The following NRK variants were observed in gnomAD, a reference collection of about 807,000 sequenced individuals.
The protein encoded by NRK is Nik related kinase, also known as nik-related protein kinase.
In NRK, 67 loss-of-function variants were observed where a neutral mutation model predicts 125.2. That is an observed-to-expected ratio of 0.54 (90% CI 0.44 to 0.66). The LOEUF is 0.66. Ranked by LOEUF, NRK falls within the 30% of genes least tolerant of loss-of-function variation. The probability of loss-of-function intolerance (pLI) is 0.00; values close to 1 mark genes in which losing one functional copy is unlikely to be tolerated. For synonymous variants in NRK, 458 were observed against 429.0 expected (o/e 1.07, Z -0.84); for missense variants, 1,224 against 1,192.9 (o/e 1.03, Z -0.38).
chrX:105,926,967 C>CT (rs779419516), intron 19 of NRK, among the ~76,000 whole-genome samples: 1 of 111,094 alleles, frequency 9.0e-6, no homozygotes, highest in Non-Finnish European at 1.9e-5. Context: ...TATTCTAGGT[C>CT]TTTTTTGGTT....
At chrX:105,924,388 A>G (rs139110648) in intron 18 of NRK, among the ~76,000 whole-genome samples, 1,434 of 111,881 alleles carry the variant, frequency 0.013, 8 homozygotes, top group Middle Eastern at 0.047. Flanking sequence ...TATTTAAGAA[A>G]AAAACTACAT....
chrX:105,911,974 G>A (rs1004068571), intron 13 of NRK, among the ~76,000 whole-genome samples: 3 of 111,200 alleles, frequency 2.7e-5, no homozygotes, highest in Non-Finnish European at 5.7e-5. Flanking sequence ...ATATGTGGTC[G>A]TTGAAGAAAA....
chrX:105,943,023 A>AT (rs1441425136), intron 23 of NRK, among the ~76,000 whole-genome samples: 2 of 111,605 alleles, frequency 1.8e-5, no homozygotes, highest in Non-Finnish European at 3.8e-5. Context: ...GGTGCCCCAA[A>AT]TTTTTAATTT....
intron 28 of NRK, 49 bp from the exon 29 acceptor site, chrX:105,955,456 T>A (rs771073160): frequency 1.5e-6 from 1 of 685,807 alleles, no homozygotes; most frequent in South Asian, 2.7e-5. Flanking sequence ...AAATATCTGG[T>A]TGCAATGTAT....
chrX:105,843,613 T>A (rs1320121084), intron 2 of NRK, among the ~76,000 whole-genome samples: 1 of 112,156 alleles, frequency 8.9e-6, no homozygotes, highest in Non-Finnish European at 1.9e-5. Flanking sequence ...TTCTGCTGAA[T>A]GAGTCATTTA....
In NRK at chrX:105,956,501, A is replaced by G. The variant is rs769149668; in HGVS notation, c.*901A>G. On this transcript the variant is annotated 3_prime_UTR_variant, in exon 29 of 29. Transcript: ENST00000243300. ...CAGTGTGACTATCAGACAGCATCAAATATTTGCCCAATCCAAGATTAGACT... is the reference window on the plus strand; with the variant it reads ...CAGTGTGACTATCAGACAGCATCAAGTATTTGCCCAATCCAAGATTAGACT... 2.7e-5 allele frequency: 3 copies of G among 112,074 alleles called. No individual in the cohort carries two copies. The highest frequency in any genetic ancestry group is 9.7e-5 in the African/African-American group (3 of 30,852). The allele number at this position is 112,074 out of a possible 1,213,427, so 9.2% of individuals were successfully genotyped here.
At chrX:105,878,997 G>A (rs60522235) in intron 2 of NRK, among the ~76,000 whole-genome samples, 2,325 of 111,118 alleles carry the variant, frequency 0.021, 58 homozygotes, top group African/African-American at 0.071. Context: ...GAAGTCTCTA[G>A]GGAGGAAACT....
At chrX:105,862,845 A>G (rs748327348) in intron 2 of NRK, among the ~76,000 whole-genome samples, 1 of 112,137 alleles carries the variant, frequency 8.9e-6, no homozygotes, top group African/African-American at 3.2e-5. Flanking sequence ...AGTGGGCAAT[A>G]CACTTGAGGC....
At chrX:105,947,442 C>CA (rs753072138) in intron 26 of NRK, among the ~76,000 whole-genome samples, 815 of 17,331 alleles carry the variant, frequency 0.047, 65 homozygotes, top group African/African-American at 0.08. Flanking sequence ...GACTCCGTCT[C>CA]AAAAAAAAAA....
intron 2 of NRK, among the ~76,000 whole-genome samples, chrX:105,858,789 T>C (rs369976181): frequency 1.8e-5 from 2 of 111,110 alleles, no homozygotes; most frequent in Non-Finnish European, 3.8e-5. Context: ...CATGTGAAAT[T>C]TGAGAAACAT....
rs1203881389 is a variant in NRK at position 105,873,325 on chromosome X, A to G, written c.124-6874A>G. ...GTAATTAACTGCTGCGGAATGGTGGATTTTCCCAACACAGCTGTCACAACT... is the reference window on the plus strand; with the variant it reads ...GTAATTAACTGCTGCGGAATGGTGGGTTTTCCCAACACAGCTGTCACAACT... On this transcript the variant is annotated intron_variant, in intron 2 of 28. Coordinates refer to ENST00000243300, the MANE Select transcript of NRK (RefSeq NM_198465.4). Among the ~76,000 whole-genome samples, 3 of 111,128 alleles carry G rather than the reference A, an allele frequency of 2.7e-5. No individual in the cohort carries two copies. In the Admixed American group the frequency reaches 2.9e-4, roughly 11 times the overall value.
chrX:105,935,315 T>G lies in NRK; in HGVS notation c.3645T>G (p.Gly1215=). 1 of 1,186,664 alleles carries G rather than the reference T, an allele frequency of 8.4e-7. No individual in the cohort carries two copies. Among genetic ancestry groups the G allele is most frequent in the African/African-American group, 1.8e-5 (1 of 56,900 alleles). Residue 1215 remains glycine, a synonymous_variant, in exon 21 of 29, where the codon GGT becomes GGG. Coordinates refer to ENST00000243300, the MANE Select transcript of NRK (RefSeq NM_198465.4). Reference sequence around the variant, plus strand: ...AGTTCACTTCTGAGATCTGCTGTGGTTCTTTGTGGGGTGAGTTTGTTTTGT... The same window carrying G: ...AGTTCACTTCTGAGATCTGCTGTGGGTCTTTGTGGGGTGAGTTTGTTTTGT... The part of the protein sequence containing the change: ...EKEFTSEICC[G]SLWGVNLLLG...
intron 4 of NRK, among the ~76,000 whole-genome samples, chrX:105,885,032 C>G (rs2039926209): frequency 8.9e-6 from 1 of 111,934 alleles, no homozygotes; most frequent in Non-Finnish European, 1.9e-5. Context: ...CTCAAGTGAT[C>G]CACCTGCCTT....
chrX:105,897,273 T>A (rs2040096787), intron 7 of NRK, among the ~76,000 whole-genome samples: 1 of 112,642 alleles, frequency 8.9e-6, no homozygotes, highest in East Asian at 2.8e-4. Context: ...TTTTAAATTT[T>A]TAAGATTATA....
intron 2 of NRK, among the ~76,000 whole-genome samples, chrX:105,852,507 CTGCCTTTGGATTATCCAGT>C (rs2039484881): frequency 8.9e-6 from 1 of 112,047 alleles, no homozygotes; most frequent in Admixed American, 9.5e-5. Flanking sequence ...TTTGATTAAT[CTGCCTTTGGATTATCCAGT>C]TGCTCTTTGG....
intron 2 of NRK, among the ~76,000 whole-genome samples, chrX:105,873,489 T>A (rs2039774439): frequency 9.0e-6 from 1 of 111,687 alleles, no homozygotes; most frequent in Non-Finnish European, 1.9e-5. Flanking sequence ...AACCCAGTCA[T>A]AAAGTGATAA....
chrX:105,822,997 AC>A, intron 1 of NRK, 95 bp downstream of exon 1: 1 of 807,605 alleles, frequency 1.2e-6, no homozygotes, highest in Non-Finnish European at 1.7e-6. Flanking sequence ...AACGGGCTAG[AC>A]CAGGACTTCG....
upstream of NRK, chrX:105,822,432 C>A (rs2039033119): frequency 1.7e-5 from 3 of 171,717 alleles, no homozygotes; most frequent in East Asian, 5.4e-4. Flanking sequence ...GGGCGGCTGC[C>A]CACCTGGCGA....
chrX:105,890,377 A>G (rs2040001913), intron 5 of NRK, among the ~76,000 whole-genome samples: 1 of 111,234 alleles, frequency 9.0e-6, no homozygotes, highest in African/African-American at 3.3e-5. Flanking sequence ...AACTATTTCA[A>G]CCTTTGGCTG....
Sources: allele counts gnomAD v4.1 joint callset (sites outside exome capture counted in the v4.1 genomes callset), GRCh38; gene constraint gnomAD v4.1.1; transcripts MANE v1.5; gene names NCBI Gene and HGNC (gene_info 2026-07-23, HGNC 2026-07-21).